STPG2: variants seen among roughly 807,000 people sequenced by gnomAD.
STPG2 encodes sperm tail PG-rich repeat containing 2.
A neutral mutation model predicts 54.2 loss-of-function variants in STPG2; 56 were observed. The observed-to-expected ratio is 1.03, with a 90% CI of 0.83 to 1.29. The LOEUF (loss-of-function observed/expected upper bound fraction) is 1.29, where lower values mean the gene tolerates loss of function less well. Among genes scored for constraint, STPG2 ranks in the 50% most tolerant of loss-of-function variants. The pLI is 0.00. For synonymous variants in STPG2, 200 were observed against 181.8 expected, an observed-to-expected ratio of 1.10 and a Z score of -0.81; for missense variants, 596 against 544.9, an observed-to-expected ratio of 1.09 and a Z score of -0.93.
rs1233466622 is a variant in STPG2, at chr4:97,725,299, T to C, written c.1205-12485A>G. ...AAGAAGAGAATAGTACCACTTTTTT[T>C]TTTAGTGCACCCAAAGAGCACCCAA... On this transcript the variant is annotated intron_variant, in intron 9 of 10. Coordinates refer to ENST00000295268, the MANE Select transcript of STPG2 (RefSeq NM_174952.3). 3.9e-5 allele frequency among the ~76,000 whole-genome samples: 6 copies of C among 151,990 alleles called. 1 individual carries two copies.
chr4:97,471,855 C>T (rs971500811), intron 4 of STPG2, among the ~76,000 whole-genome samples: 4 of 152,064 alleles, frequency 2.6e-5, no homozygotes, highest in Non-Finnish European at 5.9e-5. Context: ...CTGAGTAATG[C>T]TATTCCTTCA....
intron 5 of STPG2, among the ~76,000 whole-genome samples, chr4:98,061,618 T>TAGA (rs1737661953): frequency 3.6e-5 from 4 of 110,520 alleles, no homozygotes; most frequent in East Asian, 2.6e-4. Context: ...AAAAAAAAAT[T>TAGA]TTAAAAAGTG....
At chr4:97,578,921 G>A (rs1242295290) in intron 10 of STPG2, among the ~76,000 whole-genome samples, 2 of 151,884 alleles carry the variant, frequency 1.3e-5, no homozygotes, top group Non-Finnish European at 1.5e-5. Flanking sequence ...AAAATGTCTG[G>A]GAGCAGAATT....
At chr4:97,822,791 C>T (rs1454401433) in intron 9 of STPG2, among the ~76,000 whole-genome samples, 3 of 151,570 alleles carry the variant, frequency 2.0e-5, no homozygotes, top group African/African-American at 7.3e-5. Context: ...AAGGATGGCA[C>T]CAAGCCATGA....
intron 7 of STPG2, among the ~76,000 whole-genome samples, chr4:97,961,533 A>G (rs1733889148): frequency 6.6e-6 from 1 of 152,200 alleles, no homozygotes; most frequent in Admixed American, 6.5e-5. Flanking sequence ...ATCCCATCCA[A>G]AAGTGGGCTG....
intron 8 of STPG2, among the ~76,000 whole-genome samples, chr4:97,850,274 G>A (rs1208935646): frequency 3.8e-5 from 2 of 53,176 alleles, no homozygotes; most frequent in African/African-American, 8.2e-5. Context: ...ACTGTGGTGG[G>A]GAGGGGGGAG....
chr4:97,899,006 A>G (rs2149183424), intron 8 of STPG2, among the ~76,000 whole-genome samples: 1 of 151,840 alleles, frequency 6.6e-6, no homozygotes, highest in Admixed American at 6.6e-5. Context: ...AAGGGCATCC[A>G]AAAGGAACAG....
At chr4:98,108,387 G>C (rs1578173448) in intron 4 of STPG2, among the ~76,000 whole-genome samples, 1 of 152,114 alleles carries the variant, frequency 6.6e-6, no homozygotes, top group Non-Finnish European at 1.5e-5. Context: ...CGTGGTATTT[G>C]TTACTCAATT....
At chr4:97,555,841 G>C (rs181172694), downstream of STPG2, among the ~76,000 whole-genome samples, 1 of 152,122 alleles carries the variant, frequency 6.6e-6, no homozygotes, top group East Asian at 1.9e-4. Context: ...TTTATAAATA[G>C]AAGACACAAA....
intron 4 of STPG2, among the ~76,000 whole-genome samples, chr4:98,106,383 TA>T (rs1739190652): frequency 6.6e-6 from 1 of 152,118 alleles, no homozygotes; most frequent in Admixed American, 6.6e-5. Flanking sequence ...TATGTACCAT[TA>T]AAAGTCTAAA....
intron 4 of STPG2, among the ~76,000 whole-genome samples, chr4:97,477,578 G>A (rs187093688): frequency 0.026 from 3,852 of 147,956 alleles, 55 homozygotes; most frequent in Middle Eastern, 0.054. Flanking sequence ...CCAGGTTCAC[G>A]CCATCCTCCT....
intron 4 of STPG2, among the ~76,000 whole-genome samples, chr4:97,540,234 T>C (rs1731659904): frequency 6.6e-6 from 1 of 151,948 alleles, no homozygotes; most frequent in South Asian, 2.1e-4. Flanking sequence ...CTAGCAAGAC[T>C]AATAAAGAAG....
At chr4:97,808,784 T>G (rs1354938072) in intron 9 of STPG2, among the ~76,000 whole-genome samples, 1 of 150,004 alleles carries the variant, frequency 6.7e-6, no homozygotes, top group Non-Finnish European at 1.5e-5. Context: ...AAAAAGACAC[T>G]AAACCAAAGA....
intron 8 of STPG2, among the ~76,000 whole-genome samples, chr4:97,866,573 G>A (rs1391664182): frequency 1.3e-5 from 2 of 151,710 alleles, no homozygotes; most frequent in Non-Finnish European, 2.9e-5. Context: ...TTATCTCATT[G>A]TCTTCTGGCT....
intron 5 of STPG2, among the ~76,000 whole-genome samples, chr4:98,031,835 T>C (rs1370423183): frequency 6.6e-6 from 1 of 152,026 alleles, no homozygotes; most frequent in Non-Finnish European, 1.5e-5. Context: ...AGGACTAATA[T>C]GCAGAATCTA....
chr4:97,513,758 A>C (rs1230936246), intron 4 of STPG2, among the ~76,000 whole-genome samples: 1 of 152,168 alleles, frequency 6.6e-6, no homozygotes. Flanking sequence ...GTTTAGAGAA[A>C]TTAAATTAAT....
At chr4:97,632,527 T>G (rs1352131796) in intron 10 of STPG2, among the ~76,000 whole-genome samples, 1 of 152,128 alleles carries the variant, frequency 6.6e-6, no homozygotes, top group Non-Finnish European at 1.5e-5. Flanking sequence ...ATACCTTTTT[T>G]TATAATCCTG....
chr4:98,004,194 C>T (rs909787528), intron 5 of STPG2, among the ~76,000 whole-genome samples: 21 of 152,176 alleles, frequency 1.4e-4, no homozygotes, highest in Admixed American at 3.9e-4. Context: ...CTATTCTACT[C>T]TCTGCTTCTT....
intron 5 of STPG2, among the ~76,000 whole-genome samples, chr4:97,997,997 C>T (rs962852978): frequency 2.0e-5 from 3 of 152,032 alleles, no homozygotes; most frequent in Non-Finnish European, 4.4e-5. Flanking sequence ...CGAAAAGAAG[C>T]GGAGACACCA....
Sources: allele counts gnomAD v4.1 joint callset (sites outside exome capture counted in the v4.1 genomes callset), GRCh38; gene constraint gnomAD v4.1.1; transcripts MANE v1.5; gene names NCBI Gene and HGNC (gene_info 2026-07-23, HGNC 2026-07-21).